The following GPAT4 variants were observed in gnomAD, a reference collection of about 807,000 sequenced individuals.
GPAT4 encodes 1-AGP acyltransferase 6.
Under a neutral mutation model 58.0 loss-of-function variants are expected in GPAT4, and 17 were observed. The ratio of observed to expected loss-of-function variants is 0.29; its 90% confidence interval spans 0.20 to 0.44. The LOEUF (loss-of-function observed/expected upper bound fraction) is 0.44, where lower values mean the gene tolerates loss of function less well. GPAT4 is among the 20% of genes least tolerant of loss of function. The probability of loss-of-function intolerance (pLI) is 1.00; values close to 1 mark genes in which losing one functional copy is unlikely to be tolerated. For synonymous variants in GPAT4, 204 were observed against 210.1 expected (o/e 0.97, Z 0.25); for missense variants, 377 against 574.5 (o/e 0.66, Z 3.51).
At chr8:41,592,714 G>A (rs572300532) in intron 1 of GPAT4, among the ~76,000 whole-genome samples, 114 of 152,278 alleles carry the variant, frequency 7.5e-4, no homozygotes, top group African/African-American at 2.1e-3. Flanking sequence ...TGGTACTAGC[G>A]CATTTAGTTC....
rs768082923 is a variant in GPAT4 at position 41,599,322 on chromosome 8, A to T, written c.165+18A>T. The T allele has an allele frequency of 6.2e-7, 1 of 1,612,886 alleles. No individual in the cohort carries two copies. Among genetic ancestry groups the T allele is most frequent in the East Asian group, 2.2e-5 (1 of 44,834 alleles). Reference sequence around the variant, plus strand: ...TCTTTGCGGTAAGTTATGCTGTTACAAAAGGTTGCTTCACAGAGGAGGGTA... The same window carrying T: ...TCTTTGCGGTAAGTTATGCTGTTACTAAAGGTTGCTTCACAGAGGAGGGTA... On this transcript the variant is annotated intron_variant, in intron 2 of 12. Transcript: ENST00000396987.
intron 1 of GPAT4, among the ~76,000 whole-genome samples, chr8:41,595,927 G>C (rs931072136): frequency 4.6e-5 from 7 of 152,000 alleles, no homozygotes; most frequent in East Asian, 3.9e-4. Context: ...GGGCAGGGGT[G>C]GGGGGGTGTG....
intron 1 of GPAT4, among the ~76,000 whole-genome samples, chr8:41,581,737 T>A (rs1802515113): frequency 6.7e-6 from 1 of 150,174 alleles, no homozygotes; most frequent in African/African-American, 2.4e-5. Context: ...CACACCATTC[T>A]CCTGCCTTAG....
intron 1 of GPAT4, among the ~76,000 whole-genome samples, chr8:41,587,380 C>G (rs1030306069): frequency 6.6e-6 from 1 of 151,940 alleles, no homozygotes; most frequent in Admixed American, 6.6e-5. Flanking sequence ...TCAAATTCCC[C>G]TTCTCCTTCC....
Position 41,614,124 on chromosome 8 carries a change from C to T in GPAT4, c.912-262C>T, listed in dbSNP as rs76717072. Among the ~76,000 whole-genome samples, 18 of 152,268 alleles carry T rather than the reference C, an allele frequency of 1.2e-4. No individual in the cohort carries two copies. In the East Asian group the frequency reaches 3.1e-3, roughly 26 times the overall value. ...TGGCAGGTGTCTCTTTCAGGTGGCC[C>T]CCAGGTTGAGTGGCATCATTGGTGC... On this transcript the variant is annotated intron_variant, in intron 8 of 12. Transcript: ENST00000396987.
At chr8:41,588,976 T>C (rs1251814910) in intron 1 of GPAT4, among the ~76,000 whole-genome samples, 2 of 152,224 alleles carry the variant, frequency 1.3e-5, no homozygotes, top group Non-Finnish European at 2.9e-5. Flanking sequence ...TAAGTGAATA[T>C]TCCTCTGAAT....
intron 1 of GPAT4, among the ~76,000 whole-genome samples, chr8:41,579,973 TA>T (rs1802468856): frequency 6.6e-6 from 1 of 152,180 alleles, no homozygotes; most frequent in South Asian, 2.1e-4. Flanking sequence ...CTGCAGGTCT[TA>T]AGAGGCTGAA....
chr8:41,620,526 A>T (rs555540549), intron 12 of GPAT4, among the ~76,000 whole-genome samples: 1 of 152,254 alleles, frequency 6.6e-6, no homozygotes, highest in African/African-American at 2.4e-5. Flanking sequence ...TTATGAGTCG[A>T]TATTTCTTAA....
At chr8:41,606,706 G>A (rs1376143938) in intron 2 of GPAT4, among the ~76,000 whole-genome samples, 1 of 152,194 alleles carries the variant, frequency 6.6e-6, no homozygotes, top group East Asian at 1.9e-4. Context: ...CAAAAAACAG[G>A]CTATGGCGGT....
At chr8:41,608,695 G>A (rs1381155947) in intron 2 of GPAT4, among the ~76,000 whole-genome samples, 2 of 152,194 alleles carry the variant, frequency 1.3e-5, no homozygotes, top group East Asian at 1.9e-4. Flanking sequence ...AAGCGATCCC[G>A]TGAAGTAGGA....
intron 2 of GPAT4, among the ~76,000 whole-genome samples, chr8:41,601,318 A>T (rs1803088590): frequency 6.6e-6 from 1 of 152,160 alleles, no homozygotes; most frequent in Non-Finnish European, 1.5e-5. Flanking sequence ...TTTGAGGAGT[A>T]GTGATCTAGT....
At chr8:41,612,036 G>A (rs1279088683) in intron 6 of GPAT4, 44 bp downstream of exon 6, 3 of 1,607,026 alleles carry the variant, frequency 1.9e-6, no homozygotes, top group African/African-American at 2.7e-5. Flanking sequence ...GGCGCTGCAG[G>A]AAACACCACC....
chr8:41,609,320 T>C, intron 2 of GPAT4, 96 bp from the exon 3 acceptor site: 1 of 1,297,650 alleles, frequency 7.7e-7, no homozygotes, highest in Non-Finnish European at 1.1e-6. Context: ...CTTAGGTGAC[T>C]GGGACTGAGG....
intron 1 of GPAT4, among the ~76,000 whole-genome samples, chr8:41,585,532 TTAG>T (rs1802629968): frequency 6.6e-6 from 1 of 152,114 alleles, no homozygotes; most frequent in Non-Finnish European, 1.5e-5. Flanking sequence ...ATGGTGATGA[TTAG>T]TAGTAGAAGC....
rs1803452727 is a variant in GPAT4, at chr8:41,611,796, A to G, written c.612-107A>G. On this transcript the variant is annotated intron_variant, in intron 5 of 12. Transcript: ENST00000396987. ...CTTTCCTGTAGGTGCTGATGTCTATACAAGCACTTTGCTGTTATAAAGGAC... is the reference window on the plus strand; with the variant it reads ...CTTTCCTGTAGGTGCTGATGTCTATGCAAGCACTTTGCTGTTATAAAGGAC... 3 of 965,914 alleles carry G rather than the reference A, an allele frequency of 3.1e-6. No homozygotes were observed. In the African/African-American group the frequency reaches 4.8e-5, roughly 16 times the overall value. 59.8% of individuals were successfully genotyped at this position (965,914 alleles called of 1,614,324 possible).
chr8:41,584,204 T>G (rs1211099950), intron 1 of GPAT4, among the ~76,000 whole-genome samples: 6 of 152,120 alleles, frequency 3.9e-5, no homozygotes, highest in Non-Finnish European at 8.8e-5. Flanking sequence ...GCCAGTGATG[T>G]GTGTAAATTT....
At position 41,620,993 on chromosome 8, in the gene GPAT4, C is replaced by T. The variant is rs750624557; in HGVS notation, c.1363C>T (p.Arg455Cys). The change falls in exon 13 of 13, where the codon CGC becomes TGC. Residue 455 changes from arginine (R) to cysteine (C), a missense_variant. Arg to Cys is a radical substitution (Grantham distance 180). Transcript: ENST00000396987. ...CGTGGGGAACCACAAGGACAGGAGC[C>T]GCTCCTGAGCCTGCCTCCAGCTGGC... ...MIVGNHKDRS[R>C]S The T allele has an allele frequency of 1.4e-5, 22 of 1,550,888 alleles. No homozygotes were observed. The highest frequency in any genetic ancestry group is 2.4e-5 in the East Asian group (1 of 40,932).
chr8:41,587,518 T>C lies in GPAT4; in HGVS notation c.-849+9240T>C, dbSNP rs138120790. Among the ~76,000 whole-genome samples the C allele has an allele frequency of 5.9e-4, 90 of 152,306 alleles. No individual in the cohort carries two copies. The East Asian group carries it at 0.017, about 28-fold the overall frequency. On this transcript the variant is annotated intron_variant, in intron 1 of 12. Transcript: ENST00000396987. ...CACATATTATCACTTTGCTCATGCT[T>C]TAAAATACAGGGTTTATACACTTCT... is the stretch of plus-strand genomic sequence containing the variant.
chr8:41,603,151 G>A (rs139169431), intron 2 of GPAT4, among the ~76,000 whole-genome samples: 11 of 152,244 alleles, frequency 7.2e-5, no homozygotes, highest in African/African-American at 2.4e-4. Context: ...GTTTAGAGCC[G>A]GAAGAAAGTT....
Sources: allele counts gnomAD v4.1 joint callset (sites outside exome capture counted in the v4.1 genomes callset), GRCh38; gene constraint gnomAD v4.1.1; transcripts MANE v1.5; gene names NCBI Gene and HGNC (gene_info 2026-07-23, HGNC 2026-07-21).